Variants in SIPA1L2 observed in about 807,000 individuals in gnomAD.
The protein encoded by SIPA1L2 is signal-induced proliferation-associated 1-like protein 2.
In SIPA1L2, 56 loss-of-function variants were observed where a neutral mutation model predicts 163.9. The observed-to-expected ratio is 0.34, with a 90% confidence interval of 0.28 to 0.43. SIPA1L2 has a LOEUF of 0.43. SIPA1L2 is among the 20% of genes least tolerant of loss of function. The probability of loss-of-function intolerance (pLI) is 1.00; values close to 1 mark genes in which losing one functional copy is unlikely to be tolerated. For missense variants in SIPA1L2, 1,974 were observed against 2,193.5 expected (o/e 0.90, Z 2.00); for synonymous variants, 877 against 865.7 (o/e 1.01, Z -0.23).
chr1:232,422,020 C>T (rs986995826), intron 18 of SIPA1L2, among the ~76,000 whole-genome samples: 3 of 152,184 alleles, frequency 2.0e-5, no homozygotes, highest in Non-Finnish European at 4.4e-5. Context: ...CAGGTGTCTA[C>T]CTGCCAAGGA....
intron 1 of SIPA1L2, among the ~76,000 whole-genome samples, chr1:232,626,195 T>G (rs938080646): frequency 6.6e-6 from 1 of 150,878 alleles, no homozygotes. Context: ...GTAGCAACAT[T>G]AAATGCTGAC....
chr1:232,439,211 G>A lies in SIPA1L2; in HGVS notation c.3928C>T (p.Pro1310Ser). Residue 1310 changes from proline (P) to serine (S), a missense_variant, in exon 15 of 23, where the codon CCA (proline) becomes TCA (serine). Pro to Ser is a moderately conservative substitution (Grantham distance 74). Around this residue, in one of 3 missense-constraint regions of SIPA1L2, gnomAD observed 1,079 missense variants for 1,150.7 expected, o/e 0.94. Coordinates refer to ENST00000674635, the MANE Select transcript of SIPA1L2 (RefSeq NM_020808.5). ...CCATGCACAGAATATAACTTGGCTGGCTCGTCGTCAGGCCCAGAGACGTCG... is the reference window on the plus strand; with the variant it reads ...CCATGCACAGAATATAACTTGGCTGACTCGTCGTCAGGCCCAGAGACGTCG... ...AADVSGPDDE[P>S]AKLYSVHGYA... 6.2e-7 allele frequency: 1 copy of A among 1,613,826 alleles called. No homozygotes were observed. Among genetic ancestry groups the A allele is most frequent in the Non-Finnish European group, 8.5e-7 (1 of 1,180,044 alleles).
intron 2 of SIPA1L2, among the ~76,000 whole-genome samples, 138 bp downstream of exon 2, chr1:232,574,036 G>C (rs1259168430): frequency 6.6e-6 from 1 of 151,996 alleles, no homozygotes; most frequent in African/African-American, 2.4e-5. Flanking sequence ...CTGTGGAAGA[G>C]TGACAAAATA....
chr1:232,438,725 G>A (rs550290420), intron 15 of SIPA1L2, among the ~76,000 whole-genome samples: 6 of 152,332 alleles, frequency 3.9e-5, no homozygotes, highest in African/African-American at 7.2e-5. Flanking sequence ...TGTGCTCTAC[G>A]CACATGCTGC....
chr1:232,462,241 T>C (rs12142629), intron 9 of SIPA1L2: 9 of 1,550,622 alleles, frequency 5.8e-6, no homozygotes, highest in Non-Finnish European at 7.8e-6. Context: ...TCATTAAGTA[T>C]CACCCGATGA....
In SIPA1L2 at chr1:232,439,412, C is replaced by T. The variant is rs1271097797; in HGVS notation, c.3727G>A (p.Gly1243Arg). The change falls in exon 15 of 23, where the codon GGG (glycine) becomes AGG (arginine). Residue 1243 changes from glycine (G) to arginine (R), a missense_variant. Gly to Arg is a moderately radical substitution (Grantham distance 125, BLOSUM62 -2). This residue lies in a region of SIPA1L2 where 1,079 missense variants were observed against 1,150.7 expected (regional missense o/e 0.94). Coordinates refer to ENST00000674635, the MANE Select transcript of SIPA1L2 (RefSeq NM_020808.5). The part of the protein sequence containing the change: ...TSSNSDDKHF[G>R]SGDLMDPELL... ...TCGGGGTCCATCAGGTCGCCAGACC[C>T]AAAGTGCTTGTCGTCACTGTTGCTG... 6 of 1,614,218 alleles carry T rather than the reference C, an allele frequency of 3.7e-6. No individual in the cohort carries two copies. Among genetic ancestry groups the T allele is most frequent in the Non-Finnish European group, 5.1e-6 (6 of 1,180,038 alleles).
intron 19 of SIPA1L2, among the ~76,000 whole-genome samples, chr1:232,408,802 A>G (rs1660786420): frequency 1.3e-5 from 2 of 152,058 alleles, no homozygotes; most frequent in Admixed American, 6.6e-5. Flanking sequence ...ATCTTTTCCT[A>G]AAGTCCAATA....
chr1:232,593,267 A>G (rs540913233), intron 1 of SIPA1L2, among the ~76,000 whole-genome samples: 4 of 152,294 alleles, frequency 2.6e-5, no homozygotes, highest in African/African-American at 7.2e-5. Flanking sequence ...GTATCTGGTC[A>G]ATTCCTGTTT....
At chr1:232,457,726 C>T (rs1161787915) in intron 10 of SIPA1L2, among the ~76,000 whole-genome samples, 4 of 152,044 alleles carry the variant, frequency 2.6e-5, no homozygotes, top group East Asian at 1.9e-4. Flanking sequence ...TCCCCTTAGC[C>T]CCTCCTCTAC....
At chr1:232,475,532 T>G (rs565515026) in intron 7 of SIPA1L2, among the ~76,000 whole-genome samples, 1 of 152,272 alleles carries the variant, frequency 6.6e-6, no homozygotes, top group South Asian at 2.1e-4. Context: ...GCATTCTAAA[T>G]AATAACTAAG....
At chr1:232,528,227 A>C (rs1667814232) in intron 2 of SIPA1L2, among the ~76,000 whole-genome samples, 1 of 151,628 alleles carries the variant, frequency 6.6e-6, no homozygotes, top group Non-Finnish European at 1.5e-5. Flanking sequence ...TTGTAGGTTC[A>C]TTCGATCCAT....
intron 1 of SIPA1L2, among the ~76,000 whole-genome samples, chr1:232,589,467 A>T (rs1379630855): frequency 6.6e-6 from 1 of 152,204 alleles, no homozygotes; most frequent in Non-Finnish European, 1.5e-5. Context: ...CTGCCAATTA[A>T]TTACCATAGT....
intron 3 of SIPA1L2, among the ~76,000 whole-genome samples, chr1:232,505,246 C>T (rs563961398): frequency 4.5e-4 from 68 of 152,232 alleles, no homozygotes; most frequent in Admixed American, 1.3e-3. Context: ...GATGGCTGTC[C>T]AGCTTTTATT....
intron 18 of SIPA1L2, among the ~76,000 whole-genome samples, chr1:232,422,298 A>C (rs530523098): frequency 6.6e-6 from 1 of 152,380 alleles, no homozygotes; most frequent in Admixed American, 6.5e-5. Context: ...CAGGAAATAT[A>C]CATGAATCAT....
intron 3 of SIPA1L2, among the ~76,000 whole-genome samples, chr1:232,500,377 TG>T: frequency 6.6e-6 from 1 of 152,352 alleles, no homozygotes; most frequent in East Asian, 1.9e-4. Flanking sequence ...CTGATGGATT[TG>T]GGCAGATAAA....
chr1:232,520,964 T>C (rs1027087872), intron 2 of SIPA1L2, among the ~76,000 whole-genome samples: 1 of 152,200 alleles, frequency 6.6e-6, no homozygotes, highest in Non-Finnish European at 1.5e-5. Flanking sequence ...AAATCAAAGC[T>C]ATAAGACAAT....
At chr1:232,621,884 C>T (rs192511951) in intron 1 of SIPA1L2, among the ~76,000 whole-genome samples, 1 of 152,066 alleles carries the variant, frequency 6.6e-6, no homozygotes, top group African/African-American at 2.4e-5. Context: ...TGTGCACCAC[C>T]ACACTCGGCT....
At chr1:232,419,469 C>T (rs59882084) in intron 18 of SIPA1L2, among the ~76,000 whole-genome samples, 2,869 of 152,190 alleles carry the variant, frequency 0.019, 87 homozygotes, top group African/African-American at 0.062. Context: ...GGTAGGGCCT[C>T]GTGGAAGGTG....
At chr1:232,605,694 AAAAACAAAAC>A (rs138160386) in intron 1 of SIPA1L2, among the ~76,000 whole-genome samples, 82,484 of 151,220 alleles carry the variant, frequency 0.55, 23,710 homozygotes, top group East Asian at 0.75. Context: ...ATTCTGTCTT[AAAAACAAAAC>A]AAAACAAAAC....
Sources: allele counts gnomAD v4.1 joint callset (sites outside exome capture counted in the v4.1 genomes callset), GRCh38; gene constraint gnomAD v4.1.1; regional missense constraint gnomAD v4.1.1; transcripts MANE v1.5; gene names NCBI Gene and HGNC (gene_info 2026-07-23, HGNC 2026-07-21).